The following ZNF48 variants were observed in gnomAD, a reference collection of about 807,000 sequenced individuals.
The protein encoded by ZNF48 is zinc finger protein 553.
A neutral mutation model predicts 40.0 loss-of-function variants in ZNF48; 20 were observed. That is an observed-to-expected ratio of 0.50 (90% CI 0.35 to 0.73). The LOEUF (loss-of-function observed/expected upper bound fraction) is 0.73. Among genes scored for constraint, ZNF48 ranks in the 30% least tolerant of loss-of-function variants. The pLI is 0.01. For missense variants in ZNF48, 726 were observed against 851.9 expected (o/e 0.85, Z 1.84); for synonymous variants, 298 against 329.7 (o/e 0.90, Z 1.04).
rs550347237 is a variant in ZNF48 at position 30,386,990 on chromosome 16, C to T, written c.-16+8580C>T. ...CAGAGTCTTGCTCTGTCACTCAGGC[C>T]GGAGTGCAGTGGCACGATCTTGGCT... On this transcript the variant is annotated intron_variant, in intron 1 of 2. Coordinates refer to the ZNF48 transcript ENST00000528032. Among the ~76,000 whole-genome samples the T allele has an allele frequency of 9.3e-5, 13 of 139,422 alleles. No homozygotes were observed. The South Asian group carries it at 1.4e-3, about 15-fold the overall frequency. 91.5% of individuals were successfully genotyped at this position (139,422 alleles called of 152,430 possible). A position where few individuals can be genotyped will look rare whatever the true frequency, so the allele number is the denominator to read the frequency against.
intron 1 of ZNF48, chr16:30,379,891 G>A (rs984671839): frequency 2.1e-5 from 23 of 1,097,888 alleles, no homozygotes; most frequent in Non-Finnish European, 2.9e-5. Flanking sequence ...ACAGACGTGA[G>A]CCACCGTGCC....
chr16:30,395,730 G>A lies in ZNF48; in HGVS notation c.-15-50G>A. On this transcript the variant is annotated intron_variant, in intron 1 of 2. Coordinates refer to ENST00000613509, the MANE Select transcript of ZNF48 (RefSeq NM_001214909.2). The surrounding 1 kb of genome is among the most constrained non-coding windows in gnomAD (Gnocchi z 5.9). ...CAGAGGGCAGCGGCAGGGCGCCGCG[G>A]GCCACACATGGCTGCGTGACCGCGG... 2 of 1,330,746 alleles carry A rather than the reference G, an allele frequency of 1.5e-6. No individual in the cohort carries two copies. Among genetic ancestry groups the A allele is most frequent in the Non-Finnish European group, 1.9e-6 (2 of 1,029,124 alleles). 82.4% of individuals were successfully genotyped at this position (1,330,746 alleles called of 1,614,324 possible). A position where few individuals can be genotyped will look rare whatever the true frequency, so the allele number is the denominator to read the frequency against.
At position 30,399,238 on chromosome 16, in the gene ZNF48, T is replaced by C. The variant is rs2050028472; in HGVS notation, c.*131T>C. On this transcript the variant is annotated 3_prime_UTR_variant, in exon 3 of 3. Coordinates refer to ENST00000613509, the MANE Select transcript of ZNF48 (RefSeq NM_001214909.2). ...AAAGGGGAGGAAGAATAGATAGAAA[T>C]AGGGATTGGAGACAGTAACCTTGAA... 3.3e-6 allele frequency: 3 copies of C among 906,678 alleles called. No homozygotes were observed. Among genetic ancestry groups the C allele is most frequent in the South Asian group, 1.8e-5 (1 of 54,200 alleles). The allele number at this position is 906,678 out of a possible 1,614,324, so 56.2% of individuals were successfully genotyped here.
intron 1 of ZNF48, among the ~76,000 whole-genome samples, chr16:30,389,816 GTTTTTTT>G (rs56373430): frequency 0.018 from 407 of 22,418 alleles, 2 homozygotes; most frequent in Middle Eastern, 0.038. Flanking sequence ...ATTTGGATTA[GTTTTTTT>G]TTTTTTTTTT....
chr16:30,387,964 CT>C (rs779632723), intron 1 of ZNF48, among the ~76,000 whole-genome samples: 70 of 145,876 alleles, frequency 4.8e-4, no homozygotes, highest in Middle Eastern at 3.5e-3. Context: ...TTCTCTACAT[CT>C]TTTTTTTTTT....
In ZNF48 at chr16:30,398,551, G is replaced by A. The variant is rs1200374284; in HGVS notation, c.1301G>A (p.Gly434Glu). 6.2e-7 allele frequency: 1 copy of A among 1,609,696 alleles called. No homozygotes were observed. Among genetic ancestry groups the A allele is most frequent in the African/African-American group, 1.3e-5 (1 of 74,948 alleles). Residue 434 changes from glycine to glutamate, a missense_variant, in exon 3 of 3, where the codon GGG becomes GAG. Around this residue, in one of 5 missense-constraint regions of ZNF48, gnomAD observed 378 missense variants for 449.1 expected, o/e 0.84. Coordinates refer to ENST00000613509, the MANE Select transcript of ZNF48 (RefSeq NM_001214909.2). The surrounding 1 kb of genome is among the most constrained non-coding windows in gnomAD (Gnocchi z 6.6). ...FGLPGLEPEP[G>E]GPQAGEPPPP... ...CTGCCTGGCTTGGAGCCAGAGCCTG[G>A]GGGCCCACAGGCTGGGGAGCCACCC...
rs1421054905 is a variant in ZNF48, at chr16:30,398,731, G to A, written c.1481G>A (p.Arg494Gln). Residue 494 changes from arginine (R) to glutamine (Q), a missense_variant, in exon 3 of 3, where the codon CGA becomes CAA. By Grantham distance (43) the Arg-to-Gln change is conservative. This residue lies in a region of ZNF48 where 25 missense variants were observed against 51.5 expected (regional missense o/e 0.49). Coordinates refer to ENST00000613509, the MANE Select transcript of ZNF48 (RefSeq NM_001214909.2). This position sits in a 1 kb window ranked among gnomAD's most constrained non-coding sequence, Gnocchi z 6.6. ...CGKGFADSSA[R>Q]VKHLRTHRGE... ...AAGGGTTTTGCTGACAGCTCAGCCC[G>A]AGTCAAGCACCTCCGCACCCACCGT... is the stretch of plus-strand genomic sequence containing the variant. 16 of 1,613,826 alleles carry A rather than the reference G, an allele frequency of 9.9e-6. No individual in the cohort carries two copies. Among genetic ancestry groups the A allele is most frequent in the Admixed American group, 3.3e-5 (2 of 60,002 alleles).
chr16:30,395,781 G>T lies in ZNF48; in HGVS notation c.-14G>T, dbSNP rs1256243687. On this transcript the variant is annotated splice_region_variant and 5_prime_UTR_variant, in exon 2 of 3. Transcript: ENST00000613509. This position sits in a 1 kb window ranked among gnomAD's most constrained non-coding sequence, Gnocchi z 5.9. The stretch of plus-strand genomic sequence containing the variant: ...GATGCTGTCTGTCCCCTTGCTCAGG[G>T]CGGCGTGCCGGCGATGGAGCGCGCG... 4.6e-6 allele frequency: 7 copies of T among 1,535,888 alleles called. No homozygotes were observed. The South Asian group carries it at 6.0e-5, about 13-fold the overall frequency.
At chr16:30,392,163 C>T (rs1452762844), upstream of ZNF48, among the ~76,000 whole-genome samples, 1 of 152,214 alleles carries the variant, frequency 6.6e-6, no homozygotes, top group Non-Finnish European at 1.5e-5. Flanking sequence ...TCTGGGACTA[C>T]AGGCGCCTGC....
In ZNF48 at chr16:30,389,816, GTTTTTTTTTTTTTT is replaced by G. The variant is rs56373430; in HGVS notation, c.-15-5940_-15-5927del. 4.9e-3 allele frequency among the ~76,000 whole-genome samples: 111 copies of G among 22,500 alleles called. 2 individuals carry two copies. The East Asian group carries it at 0.099, about 20-fold the overall frequency. 14.8% of individuals were successfully genotyped at this position (22,500 alleles called of 152,430 possible). A position where few individuals can be genotyped will look rare whatever the true frequency, so the allele number is the denominator to read the frequency against. ...AGTAATTATTTAGTCATTTGGATTA[GTTTTTTTTTTTTTT>G]TTTTTTTTTTTTTTTTTTTTTTTAG... On this transcript the variant is annotated intron_variant, in intron 1 of 2. Transcript: ENST00000528032.
intron 1 of ZNF48, among the ~76,000 whole-genome samples, chr16:30,390,278 T>C (rs2151115173): frequency 6.6e-6 from 1 of 152,330 alleles, no homozygotes; most frequent in South Asian, 2.1e-4. Flanking sequence ...TAGGCAGCTC[T>C]GCAAATGAAT....
upstream of ZNF48, among the ~76,000 whole-genome samples, chr16:30,394,387 C>A (rs1223359828): frequency 6.6e-6 from 1 of 152,178 alleles, no homozygotes; most frequent in Admixed American, 6.6e-5. Flanking sequence ...GACACTCTCT[C>A]CACCCCAAAA....
At position 30,382,662 on chromosome 16, in the gene ZNF48, G is replaced by A; in HGVS notation, c.-16+4252G>A. ...CAAACTGGCCCAGTCCCAGAGAGGT[G>A]GGGAAGGCCAAGGCCAAGAACACTT... is the stretch of plus-strand genomic sequence containing the variant. On this transcript the variant is annotated intron_variant, in intron 1 of 2. Coordinates refer to the ZNF48 transcript ENST00000528032. The surrounding 1 kb of genome is among the most constrained non-coding windows in gnomAD (Gnocchi z 4.8). 1 of 1,535,506 alleles carries A rather than the reference G, an allele frequency of 6.5e-7. No individual in the cohort carries two copies.
chr16:30,390,939 A>G (rs377092367), upstream of ZNF48, among the ~76,000 whole-genome samples: 1 of 136,306 alleles, frequency 7.3e-6, no homozygotes, highest in African/African-American at 2.8e-5. Context: ...CAGGGTTTCA[A>G]TGTGTTAGCC....
exon 1 of ZNF48, chr16:30,378,408 G>T (rs1401197526): frequency 6.5e-7 from 1 of 1,542,886 alleles, no homozygotes; most frequent in East Asian, 2.3e-5. Flanking sequence ...AGGCGGAGCC[G>T]AGGTAAGGCC....
At chr16:30,380,978 G>A (rs897615684) in intron 1 of ZNF48, 10 of 728,810 alleles carry the variant, frequency 1.4e-5, no homozygotes, top group African/African-American at 3.5e-5. Context: ...CTATGCTGGC[G>A]GCTTACCACC....
Position 30,382,272 on chromosome 16 carries a change from G to C in ZNF48, c.-16+3862G>C. 1 of 1,613,650 alleles carries C rather than the reference G, an allele frequency of 6.2e-7. No individual in the cohort carries two copies. The highest frequency in any genetic ancestry group is 2.2e-5 in the East Asian group (1 of 44,870). ...CGCAGTTCCCTCTCCAAAACCCCCA[G>C]ACCTGCCACCATTAGCGTGAAGTCA... On this transcript the variant is annotated intron_variant, in intron 1 of 2. Coordinates refer to the ZNF48 transcript ENST00000528032. This position sits in a 1 kb window ranked among gnomAD's most constrained non-coding sequence, Gnocchi z 4.8.
upstream of ZNF48, among the ~76,000 whole-genome samples, chr16:30,392,291 G>A (rs1288822963): frequency 6.6e-6 from 1 of 152,144 alleles, no homozygotes; most frequent in African/African-American, 2.4e-5. Context: ...CCAAAGTGCT[G>A]GGATTACAGG....
In ZNF48 at chr16:30,395,674, C is replaced by A; in HGVS notation, c.-16+96C>A. On this transcript the variant is annotated intron_variant, in intron 1 of 2. Coordinates refer to ENST00000613509, the MANE Select transcript of ZNF48 (RefSeq NM_001214909.2). This position sits in a 1 kb window ranked among gnomAD's most constrained non-coding sequence, Gnocchi z 5.9. ...CCGGGAGCCGCGCCCGTACCTGGGA[C>A]CCGACGCCGCCCGGTGCCCGCGCTG... 1 of 981,528 alleles carries A rather than the reference C, an allele frequency of 1.0e-6. No individual in the cohort carries two copies. Among genetic ancestry groups the A allele is most frequent in the African/African-American group, 1.7e-5 (1 of 58,568 alleles). 60.8% of individuals were successfully genotyped at this position (981,528 alleles called of 1,614,324 possible).
Sources: allele counts gnomAD v4.1 joint callset (sites outside exome capture counted in the v4.1 genomes callset), GRCh38; gene constraint gnomAD v4.1.1; regional missense constraint gnomAD v4.1.1; non-coding constraint Gnocchi (gnomAD v3.1); transcripts MANE v1.5; gene names NCBI Gene and HGNC (gene_info 2026-07-23, HGNC 2026-07-21).